CTC1: variants seen among roughly 807,000 people sequenced by gnomAD.
CTC1 encodes CST telomere replication complex component 1.
A neutral mutation model predicts 136.3 loss-of-function variants in CTC1; 91 were observed. The observed-to-expected ratio is 0.67, with a 90% CI of 0.56 to 0.79. The LOEUF (loss-of-function observed/expected upper bound fraction) is 0.79. CTC1 is among the 30% of genes least tolerant of loss of function. The pLI is 0.00. For synonymous variants in CTC1, 606 were observed against 613.8 expected (o/e 0.99, Z 0.19); for missense variants, 1,432 against 1,498.1 (o/e 0.96, Z 0.73).
rs749474189 is a variant in CTC1, at chr17:8,229,426, T to G, written c.3032A>C (p.Tyr1011Ser). ...TTISIPLPHI[Y>S]LAELLQGGQS... is the part of the protein sequence containing the mutation. The stretch of plus-strand genomic sequence containing the variant: ...ACCACCCTGCAGAAGTTCAGCCAGG[T>G]AGATGTGGGGCAGGGGAATGCTAAA... Residue 1011 changes from tyrosine (Y) to serine (S), a missense_variant, in exon 19 of 23, where the codon TAC (tyrosine) becomes TCC (serine). Tyr to Ser is a moderately radical substitution (Grantham distance 144). Coordinates refer to ENST00000651323, the MANE Select transcript of CTC1 (RefSeq NM_025099.6). 3 of 1,613,398 alleles carry G rather than the reference T, an allele frequency of 1.9e-6. No individual in the cohort carries two copies. The highest frequency in any genetic ancestry group is 2.5e-6 in the Non-Finnish European group (3 of 1,179,568).
chr17:8,226,203 A>C lies in CTC1; in HGVS notation c.*1977T>G, dbSNP rs1045767825. 6.6e-6 allele frequency: 1 copy of C among 152,236 alleles called. No individual in the cohort carries two copies. The highest frequency in any genetic ancestry group is 1.5e-5 in the Non-Finnish European group (1 of 68,042). 9.4% of individuals were successfully genotyped at this position (152,236 alleles called of 1,614,324 possible). ...ACAATACATGAAAGGATGTGGATTT[A>C]GCCGCAAAATCACGCTGTTTCAATT... On this transcript the variant is annotated 3_prime_UTR_variant, in exon 23 of 23. Transcript: ENST00000651323.
At chr17:8,242,303 G>A (rs1988295839) in intron 2 of CTC1, among the ~76,000 whole-genome samples, 1 of 151,916 alleles carries the variant, frequency 6.6e-6, no homozygotes, top group African/African-American at 2.4e-5. Flanking sequence ...AAAGTGTTGG[G>A]ATTACAGGCA....
At position 8,238,398 on chromosome 17, in the gene CTC1, G is replaced by C. The variant is rs912021398; in HGVS notation, c.429C>G (p.Ser143Arg). The C allele has an allele frequency of 1.4e-5, 23 of 1,613,394 alleles. No homozygotes were observed. Among genetic ancestry groups the C allele is most frequent in the Non-Finnish European group, 1.9e-5 (23 of 1,179,536 alleles). ...LYVRDNTGVL[S>R]CELIDLDLSW... ...ATCTCCACCTTCCACTCACCTCACA[G>C]CTCAGGACGCCAGTGTTATCTCTCA... The change falls in exon 3 of 23, where the codon AGC (serine) becomes AGG (arginine). Residue 143 changes from serine to arginine, a missense_variant. Physicochemically the swap from Ser to Arg is moderately radical, Grantham distance 110. Transcript: ENST00000651323.
At chr17:8,245,825 G>A (rs559426491) in intron 1 of CTC1, among the ~76,000 whole-genome samples, 4 of 139,486 alleles carry the variant, frequency 2.9e-5, no homozygotes, top group East Asian at 2.6e-4. Flanking sequence ...CCAGCTACTC[G>A]GGAGGCTGAG....
At position 8,229,773 on chromosome 17, in the gene CTC1, A is replaced by G. The variant is rs571965956; in HGVS notation, c.3011+118T>C. On this transcript the variant is annotated intron_variant, in intron 18 of 22. Coordinates refer to ENST00000651323, the MANE Select transcript of CTC1 (RefSeq NM_025099.6). ...GGAGTAGAGAAGCTCCTCTGACTCAACACATCTTGTTGGGATTGGAGAAGA... is the reference window on the plus strand; with the variant it reads ...GGAGTAGAGAAGCTCCTCTGACTCAGCACATCTTGTTGGGATTGGAGAAGA... The G allele has an allele frequency of 2.1e-4, 169 of 820,236 alleles. No individual in the cohort carries two copies. The East Asian group carries it at 2.9e-3, about 14-fold the overall frequency. The allele number at this position is 820,236 out of a possible 1,614,324, so 50.8% of individuals were successfully genotyped here. A position where few individuals can be genotyped will look rare whatever the true frequency, so the allele number is the denominator to read the frequency against.
At position 8,231,419 on chromosome 17, in the gene CTC1, A is replaced by G. The variant is rs770882169; in HGVS notation, c.2526T>C (p.Pro842=). Reference sequence around the variant, plus strand: ...AGGATGCACAGCCAGCCAACTCCAGAGGACGCCGAGATATGCAGGATGAAC... The same window carrying G: ...AGGATGCACAGCCAGCCAACTCCAGGGGACGCCGAGATATGCAGGATGAAC... The part of the protein sequence containing the change: ...KDGSSCISRR[P]LELAGCASCL... Residue 842 remains proline, a synonymous_variant, in exon 15 of 23, where the codon CCT becomes CCC. Transcript: ENST00000651323. 2.5e-6 allele frequency: 4 copies of G among 1,613,256 alleles called. No individual in the cohort carries two copies. Among genetic ancestry groups the G allele is most frequent in the Non-Finnish European group, 3.4e-6 (4 of 1,179,560 alleles).
chr17:8,233,354 G>T, intron 10 of CTC1: 1 of 255,476 alleles, frequency 3.9e-6, no homozygotes, highest in East Asian at 1.1e-4. Flanking sequence ...CTGGGGCGCA[G>T]TGGCTCACGC....
rs999942266 is a variant in CTC1 at position 8,235,357 on chromosome 17, C to T, written c.1207-72G>A. The stretch of plus-strand genomic sequence containing the variant: ...CTCAATGAACCCAGGCAGAGTTAAC[C>T]GCACTTTGCCACTGCCTGGGTTCCA... On this transcript the variant is annotated intron_variant, in intron 7 of 22. Transcript: ENST00000651323. The T allele has an allele frequency of 1.8e-5, 21 of 1,173,988 alleles. No individual in the cohort carries two copies. The African/African-American group carries it at 2.3e-4, about 13-fold the overall frequency. The allele number at this position is 1,173,988 out of a possible 1,614,324, so 72.7% of individuals were successfully genotyped here.
chr17:8,231,429 G>C lies in CTC1; in HGVS notation c.2516C>G (p.Ser839Cys), dbSNP rs1446610298. 6.2e-7 allele frequency: 1 copy of C among 1,612,854 alleles called. No individual in the cohort carries two copies. Among genetic ancestry groups the C allele is most frequent in the African/African-American group, 1.3e-5 (1 of 74,912 alleles). ...LFEKDGSSCI[S>C]RRPLELAGCA... The stretch of plus-strand genomic sequence containing the variant: ...GCCAGCCAACTCCAGAGGACGCCGA[G>C]ATATGCAGGATGAACCATCCTTTTC... Residue 839 changes from serine to cysteine, a missense_variant, in exon 15 of 23, where the codon TCT becomes TGT. Physicochemically the swap from Ser to Cys is moderately radical, Grantham distance 112. Coordinates refer to ENST00000651323, the MANE Select transcript of CTC1 (RefSeq NM_025099.6).
chr17:8,229,196 G>A lies in CTC1; in HGVS notation c.3167C>T (p.Thr1056Ile). The change falls in exon 20 of 23, where the codon ACT (threonine) becomes ATT (isoleucine). Residue 1056 changes from threonine to isoleucine, a missense_variant. By Grantham distance (89) the Thr-to-Ile change is moderately conservative. Coordinates refer to ENST00000651323, the MANE Select transcript of CTC1 (RefSeq NM_025099.6). ...CGTAGGGCAAGTGGAGCCCAGGCGA[G>A]TGCACTTTCCCTGGGATGAAGACAG... is the stretch of plus-strand genomic sequence containing the variant. ...CTSICRQGKC[T>I]RLGSTCPTQT... The A allele has an allele frequency of 6.2e-7, 1 of 1,614,216 alleles. No homozygotes were observed. Among genetic ancestry groups the A allele is most frequent in the Non-Finnish European group, 8.5e-7 (1 of 1,180,032 alleles).
In CTC1 at chr17:8,228,482, TCCC is replaced by T; in HGVS notation, c.3514+18_3514+20del. ...CACCATGATCCCCCTATCATCATGATCCCCCCGTCTCCAACCTTACCTAATGGG... is the reference window on the plus strand; with the variant it reads ...CACCATGATCCCCCTATCATCATGATCCCGTCTCCAACCTTACCTAATGGG... On this transcript the variant is annotated intron_variant, in intron 22 of 22. Coordinates refer to ENST00000651323, the MANE Select transcript of CTC1 (RefSeq NM_025099.6). 1 of 1,613,854 alleles carries T rather than the reference TCCC, an allele frequency of 6.2e-7. No individual in the cohort carries two copies. The highest frequency in any genetic ancestry group is 8.5e-7 in the Non-Finnish European group (1 of 1,179,946).
intron 2 of CTC1, among the ~76,000 whole-genome samples, chr17:8,241,395 A>G (rs1398619537): frequency 6.6e-6 from 1 of 151,992 alleles, no homozygotes; most frequent in Admixed American, 6.6e-5. Context: ...CCGAGACGGC[A>G]GATCACCTGA....
In CTC1 at chr17:8,247,305, C is replaced by CTTTTTTT. The variant is rs772948223; in HGVS notation, c.33+692_33+698dup. On this transcript the variant is annotated intron_variant, in intron 1 of 22. Coordinates refer to ENST00000651323, the MANE Select transcript of CTC1 (RefSeq NM_025099.6). ...TTCCGTCCTGAAACCCCTTCCGGCG[C>CTTTTTTT]TTTTTTTTTTTTTTTTTTTTTTTTG... 4.4e-5 allele frequency among the ~76,000 whole-genome samples: 4 copies of CTTTTTTT among 91,264 alleles called. 1 individual carries two copies. Among genetic ancestry groups the CTTTTTTT allele is most frequent in the Non-Finnish European group, 6.1e-5 (3 of 49,248 alleles). The allele number at this position is 91,264 out of a possible 152,430, so 59.9% of individuals were successfully genotyped here.
In CTC1 at chr17:8,235,358, G is replaced by A. The variant is rs534040731; in HGVS notation, c.1207-73C>T. The A allele has an allele frequency of 6.2e-5, 73 of 1,171,860 alleles. No homozygotes were observed. The East Asian group carries it at 1.0e-3, about 17-fold the overall frequency. The allele number at this position is 1,171,860 out of a possible 1,614,324, so 72.6% of individuals were successfully genotyped here. A position where few individuals can be genotyped will look rare whatever the true frequency, so the allele number is the denominator to read the frequency against. ...TCAATGAACCCAGGCAGAGTTAACC[G>A]CACTTTGCCACTGCCTGGGTTCCAG... On this transcript the variant is annotated intron_variant, in intron 7 of 22. Transcript: ENST00000651323.
rs770460869 is a variant in CTC1 at position 8,230,305 on chromosome 17, T to C, written c.2922A>G (p.Lys974=). ...GARVHFSQLE[K]RVSRSHNVYC... is the part of the protein sequence containing the mutation. ...CTACACATCTTCACCTGGAAACCCT[T>C]TTCTCCAACTGGCTGAAGTGGACCC... The change falls in exon 17 of 23, where the codon AAA becomes AAG. Residue 974 remains lysine, a synonymous_variant. Transcript: ENST00000651323. 3 of 1,611,656 alleles carry C rather than the reference T, an allele frequency of 1.9e-6. No homozygotes were observed. Among genetic ancestry groups the C allele is most frequent in the South Asian group, 2.2e-5 (2 of 90,788 alleles).
At chr17:8,231,550 T>A (rs1353212617) in intron 14 of CTC1, 81 bp from the exon 15 acceptor site, 1 of 1,394,910 alleles carries the variant, frequency 7.2e-7, no homozygotes, top group African/African-American at 1.4e-5. Context: ...GACCCAATTT[T>A]GTTCTTTCTG....
intron 2 of CTC1, among the ~76,000 whole-genome samples, chr17:8,240,547 GA>G (rs1054367112): frequency 6.6e-6 from 1 of 150,860 alleles, no homozygotes; most frequent in East Asian, 1.9e-4. Context: ...TGATAAAAAG[GA>G]AAAAAAACAA....
Position 8,238,399 on chromosome 17 carries a change from C to A in CTC1, c.428G>T (p.Ser143Ile), listed in dbSNP as rs943429212. 3.1e-6 allele frequency: 5 copies of A among 1,613,556 alleles called. No individual in the cohort carries two copies. In the African/African-American group the frequency reaches 4.0e-5, roughly 13 times the overall value. ...TCTCCACCTTCCACTCACCTCACAGCTCAGGACGCCAGTGTTATCTCTCAC... is the reference window on the plus strand; with the variant it reads ...TCTCCACCTTCCACTCACCTCACAGATCAGGACGCCAGTGTTATCTCTCAC... ...LYVRDNTGVL[S>I]CELIDLDLSW... The change falls in exon 3 of 23, where the codon AGC becomes ATC. Residue 143 changes from serine to isoleucine, a missense_variant. Ser to Ile is a moderately radical substitution (Grantham distance 142, BLOSUM62 -2). Coordinates refer to ENST00000651323, the MANE Select transcript of CTC1 (RefSeq NM_025099.6).
intron 11 of CTC1, 178 bp from the exon 12 acceptor site, chr17:8,232,653 A>G (rs775821062): frequency 1.5e-6 from 1 of 669,018 alleles, no homozygotes; most frequent in Non-Finnish European, 2.6e-6. Context: ...CCAAACTAAG[A>G]ATGTAGGAGA....
Sources: allele counts gnomAD v4.1 joint callset (sites outside exome capture counted in the v4.1 genomes callset), GRCh38; gene constraint gnomAD v4.1.1; transcripts MANE v1.5; gene names NCBI Gene and HGNC (gene_info 2026-07-23, HGNC 2026-07-21).